BBS9: variants seen among roughly 807,000 people sequenced by gnomAD.
BBS9 encodes protein PTHB1.
A neutral mutation model predicts 117.7 loss-of-function variants in BBS9; 89 were observed. The observed-to-expected ratio is 0.76, with a 90% CI of 0.64 to 0.90. BBS9 has a LOEUF of 0.90. BBS9 is among the 40% of genes least tolerant of loss of function. BBS9 has a pLI of 0.00. For synonymous variants in BBS9, 379 were observed against 370.9 expected, an observed-to-expected ratio of 1.02 and a Z score of -0.25; for missense variants, 982 against 1,042.2, an observed-to-expected ratio of 0.94 and a Z score of 0.80.
intron 21 of BBS9, among the ~76,000 whole-genome samples, chr7:33,544,501 G>A (rs1053163265): frequency 1.3e-5 from 2 of 152,164 alleles, no homozygotes; most frequent in African/African-American, 2.4e-5. Context: ...ACCTGGCTCC[G>A]GGCTGGTACT....
At chr7:33,241,514 C>T (rs1442934579) in intron 5 of BBS9, among the ~76,000 whole-genome samples, 1 of 151,888 alleles carries the variant, frequency 6.6e-6, no homozygotes. Flanking sequence ...GTTGCTTTTT[C>T]CATATTTTCT....
At chr7:33,168,529 A>C (rs1796042230) in intron 4 of BBS9, among the ~76,000 whole-genome samples, 1 of 152,222 alleles carries the variant, frequency 6.6e-6, no homozygotes, top group Non-Finnish European at 1.5e-5. Flanking sequence ...TGTTCAAAAG[A>C]GAAATTAAAT....
chr7:33,322,761 TTC>T (rs1812006048), intron 9 of BBS9, among the ~76,000 whole-genome samples: 1 of 152,106 alleles, frequency 6.6e-6, no homozygotes, highest in Admixed American at 6.6e-5. Context: ...TTTATTATTT[TTC>T]TCTTTTAGTA....
chr7:33,319,749 A>G (rs1199065148), intron 9 of BBS9, among the ~76,000 whole-genome samples: 1 of 152,236 alleles, frequency 6.6e-6, no homozygotes, highest in Non-Finnish European at 1.5e-5. Context: ...CGCAAAAGGA[A>G]CAGTCAGCAG....
intron 21 of BBS9, among the ~76,000 whole-genome samples, chr7:33,542,838 C>G (rs948610086): frequency 2.2e-5 from 3 of 135,868 alleles, no homozygotes; most frequent in African/African-American, 5.5e-5. Flanking sequence ...CACACACACA[C>G]AGTTTCTTTA....
chr7:33,528,212 G>A (rs938112489), intron 20 of BBS9, among the ~76,000 whole-genome samples: 4 of 152,124 alleles, frequency 2.6e-5, no homozygotes, highest in African/African-American at 9.6e-5. Context: ...TATGAAGGTT[G>A]TTTCGCCTTC....
At chr7:33,231,503 G>C (rs1792432556) in intron 5 of BBS9, among the ~76,000 whole-genome samples, 1 of 146,082 alleles carries the variant, frequency 6.8e-6, no homozygotes, top group Non-Finnish European at 1.5e-5. Flanking sequence ...AAGTCAGAGA[G>C]TGTGGTGCCT....
intron 19 of BBS9, among the ~76,000 whole-genome samples, chr7:33,452,605 C>T (rs117005067): frequency 1.4e-4 from 22 of 152,164 alleles, no homozygotes; most frequent in East Asian, 1.4e-3. Context: ...GAGCATAATT[C>T]GGGAAACATA....
At chr7:33,482,315 A>C (rs1330528466) in intron 19 of BBS9, among the ~76,000 whole-genome samples, 1 of 152,062 alleles carries the variant, frequency 6.6e-6, no homozygotes. Context: ...TGGATGGGGG[A>C]ACACATCCAT....
At position 33,141,494 on chromosome 7, in the gene BBS9, A is replaced by G. The variant is rs547844503; in HGVS notation, c.-11-4748A>G. Among the ~76,000 whole-genome samples, 3 of 152,280 alleles carry G rather than the reference A, an allele frequency of 2.0e-5. No homozygotes were observed. In the East Asian group the frequency reaches 5.8e-4, roughly 29 times the overall value. Reference sequence around the variant, plus strand: ...GATCCTCTCACCTCAGACTCCTGACAGTAGTTGGGACTACAGGCATGGACC... The same window carrying G: ...GATCCTCTCACCTCAGACTCCTGACGGTAGTTGGGACTACAGGCATGGACC... On this transcript the variant is annotated intron_variant, in intron 1 of 22. Transcript: ENST00000242067.
intron 19 of BBS9, among the ~76,000 whole-genome samples, chr7:33,401,562 G>A (rs965965914): frequency 6.6e-6 from 1 of 151,904 alleles, no homozygotes; most frequent in African/African-American, 2.4e-5. Context: ...AAGGGGTGGG[G>A]GGCAGGGCTT....
chr7:33,342,414 T>C (rs1353625657), intron 11 of BBS9, among the ~76,000 whole-genome samples: 6 of 152,178 alleles, frequency 3.9e-5, no homozygotes, highest in African/African-American at 1.4e-4. Flanking sequence ...GGGCAACTTA[T>C]ATAAGTTTTT....
At chr7:33,404,733 G>A (rs1395733385) in intron 19 of BBS9, among the ~76,000 whole-genome samples, 3 of 151,654 alleles carry the variant, frequency 2.0e-5, no homozygotes, top group Non-Finnish European at 4.4e-5. Context: ...ATCAGCTTAA[G>A]GAGATTTTGG....
intron 21 of BBS9, among the ~76,000 whole-genome samples, chr7:33,631,228 C>T (rs1020121426): frequency 2.6e-5 from 4 of 152,112 alleles, no homozygotes; most frequent in African/African-American, 7.2e-5. Flanking sequence ...CGAACTGCAC[C>T]GTTCCAGGGA....
At chr7:33,297,114 C>T (rs1253769360) in intron 9 of BBS9, among the ~76,000 whole-genome samples, 5 of 151,994 alleles carry the variant, frequency 3.3e-5, no homozygotes, top group Non-Finnish European at 7.4e-5. Context: ...GAAAACAAGC[C>T]GGAGTAAAAG....
intron 5 of BBS9, among the ~76,000 whole-genome samples, chr7:33,252,532 G>T (rs766437201): frequency 6.6e-5 from 10 of 152,042 alleles, no homozygotes; most frequent in African/African-American, 2.4e-4. Context: ...CTTAGAATTG[G>T]CATTTCTGAG....
At chr7:33,593,680 G>A (rs563620921) in intron 21 of BBS9, among the ~76,000 whole-genome samples, 9 of 152,050 alleles carry the variant, frequency 5.9e-5, no homozygotes, top group Non-Finnish European at 1.2e-4. Flanking sequence ...AATTGATAGG[G>A]CCAGACAGCA....
intron 5 of BBS9, among the ~76,000 whole-genome samples, chr7:33,208,744 G>A (rs1262264181): frequency 6.6e-6 from 1 of 152,022 alleles, no homozygotes; most frequent in South Asian, 2.1e-4. Context: ...GTTTTTTCTA[G>A]GAGGGTAGGG....
intron 9 of BBS9, among the ~76,000 whole-genome samples, chr7:33,320,724 C>T (rs943787901): frequency 1.3e-5 from 2 of 151,998 alleles, no homozygotes; most frequent in African/African-American, 4.8e-5. Flanking sequence ...ATGAGTGTTC[C>T]CTTTTCTCCA....
Sources: allele counts gnomAD v4.1 joint callset (sites outside exome capture counted in the v4.1 genomes callset), GRCh38; gene constraint gnomAD v4.1.1; transcripts MANE v1.5; gene names NCBI Gene and HGNC (gene_info 2026-07-23, HGNC 2026-07-21).